The following CFAP70 variants were observed in gnomAD, a reference collection of about 807,000 sequenced individuals.
CFAP70 encodes the protein cilia and flagella associated protein 70, also known as cilia- and flagella-associated protein 70.
CFAP70 carries 81 observed loss-of-function variants against 137.6 expected under a neutral mutation model. That is an observed-to-expected ratio of 0.59 (90% confidence interval 0.49 to 0.71). The LOEUF (loss-of-function observed/expected upper bound fraction) is 0.71, where lower values mean the gene tolerates loss of function less well. CFAP70 is among the 30% of genes least tolerant of loss of function. CFAP70 has a pLI of 0.00. For missense variants in CFAP70, 976 were observed against 1,226.7 expected (o/e 0.80, Z 3.05); for synonymous variants, 382 against 423.6 (o/e 0.90, Z 1.20).
At chr10:73,293,357 G>T in exon 16 of CFAP70, 1 of 1,609,412 alleles carries the variant, frequency 6.2e-7, no homozygotes. Context: ...ATAAATGGTT[G>T]CAACAGTGCC....
In CFAP70 at chr10:73,318,837, G is replaced by C. The variant is rs549597990; in HGVS notation, c.912+4126C>G. On this transcript the variant is annotated intron_variant, in intron 9 of 26. Transcript: ENST00000310715. ...ATTCCCTTGAAATAGTTTCCTAGAA[G>C]TAGAAGTCCTATTGGAAAGGATATA... Among the ~76,000 whole-genome samples, 267 of 152,312 alleles carry C rather than the reference G, an allele frequency of 1.8e-3. 1 individual carries two copies. The highest frequency in any genetic ancestry group is 3.9e-3 in the Admixed American group (59 of 15,290).
At chr10:73,311,078 C>T (rs920523077) in intron 11 of CFAP70, among the ~76,000 whole-genome samples, 8 of 152,170 alleles carry the variant, frequency 5.3e-5, no homozygotes, top group African/African-American at 1.9e-4. Flanking sequence ...AGAAGAGGTT[C>T]AAGAATCTGT....
At chr10:73,354,025 G>A (rs539934692) in intron 2 of CFAP70, among the ~76,000 whole-genome samples, 52 of 151,878 alleles carry the variant, frequency 3.4e-4, no homozygotes, top group African/African-American at 1.2e-3. Flanking sequence ...TTTTCTGTTT[G>A]TTTGTTTGTT....
intron 15 of CFAP70, chr10:73,295,562 G>A (rs2131948589): frequency 6.6e-6 from 1 of 152,150 alleles, no homozygotes; most frequent in Non-Finnish European, 1.5e-5. Context: ...GCTATGTAAA[G>A]GTTAACAATA....
At chr10:73,350,073 A>C (rs2054068003) in intron 3 of CFAP70, among the ~76,000 whole-genome samples, 1 of 152,196 alleles carries the variant, frequency 6.6e-6, no homozygotes, top group Non-Finnish European at 1.5e-5. Context: ...TGGTCTGTTC[A>C]AAGACCACAT....
chr10:73,303,019 A>G (rs1160825954), intron 12 of CFAP70, among the ~76,000 whole-genome samples: 3 of 149,466 alleles, frequency 2.0e-5, no homozygotes, highest in Admixed American at 6.6e-5. Flanking sequence ...GCCCCCCACC[A>G]CCGGGTAGCT....
At chr10:73,340,438 T>A (rs2053144399) in intron 6 of CFAP70, among the ~76,000 whole-genome samples, 1 of 152,188 alleles carries the variant, frequency 6.6e-6, no homozygotes, top group Non-Finnish European at 1.5e-5. Context: ...GCCAGAAAAG[T>A]ACCATAAGTT....
At chr10:73,329,242 A>G (rs1216523136) in intron 8 of CFAP70, among the ~76,000 whole-genome samples, 7 of 152,320 alleles carry the variant, frequency 4.6e-5, no homozygotes, top group African/African-American at 1.7e-4. Flanking sequence ...TTGCAAGGAC[A>G]AAAAACCAAA....
At chr10:73,359,483 G>C (rs575245354), upstream of CFAP70, among the ~76,000 whole-genome samples, 1 of 152,230 alleles carries the variant, frequency 6.6e-6, no homozygotes, top group East Asian at 1.9e-4. Flanking sequence ...ACTCCCATGG[G>C]CCAAATAAGG....
intron 8 of CFAP70, among the ~76,000 whole-genome samples, chr10:73,325,312 G>T (rs1589491720): frequency 6.6e-6 from 1 of 152,214 alleles, no homozygotes; most frequent in South Asian, 2.1e-4. Context: ...CACCAGGCCT[G>T]CCCTAAAAGA....
chr10:73,253,884 G>A (rs1372312934), exon 27 of CFAP70: 4 of 1,007,882 alleles, frequency 4.0e-6, no homozygotes, highest in Middle Eastern at 2.2e-4. Flanking sequence ...AGATTCTTTC[G>A]TTCTCCAGCT....
At chr10:73,273,863 T>A (rs570615385) in intron 23 of CFAP70, among the ~76,000 whole-genome samples, 1 of 152,202 alleles carries the variant, frequency 6.6e-6, no homozygotes, top group Non-Finnish European at 1.5e-5. Context: ...TGTTGATAAT[T>A]GTTATAGTGA....
At chr10:73,338,980 C>T (rs1192491813) in intron 6 of CFAP70, among the ~76,000 whole-genome samples, 12 of 150,770 alleles carry the variant, frequency 8.0e-5, no homozygotes, top group Non-Finnish European at 1.3e-4. Context: ...AGTGCAGTGA[C>T]ACAATCCTGA....
intron 19 of CFAP70, among the ~76,000 whole-genome samples, chr10:73,281,325 C>T (rs562017771): frequency 4.0e-5 from 6 of 151,536 alleles, no homozygotes; most frequent in African/African-American, 1.2e-4. Flanking sequence ...GCCGGGACTA[C>T]AGACATGCCA....
At position 73,298,843 on chromosome 10, in the gene CFAP70, G is replaced by A. The variant is rs7079020; in HGVS notation, c.1512+64C>T. ...ACATAATCAGAGGAGAAAATGTGAT[G>A]TGGGTATGTGGAGAACTTGCTCCAT... On this transcript the variant is annotated intron_variant, in intron 14 of 26. Transcript: ENST00000310715. The A allele has an allele frequency of 2.1e-6, 3 of 1,410,436 alleles. 1 individual carries two copies. Among genetic ancestry groups the A allele is most frequent in the Non-Finnish European group, 3.0e-6 (3 of 1,006,948 alleles). The allele number at this position is 1,410,436 out of a possible 1,614,324, so 87.4% of individuals were successfully genotyped here. A position where few individuals can be genotyped will look rare whatever the true frequency, so the allele number is the denominator to read the frequency against.
intron 7 of CFAP70, among the ~76,000 whole-genome samples, chr10:73,333,256 T>C (rs2052311276): frequency 6.6e-6 from 1 of 151,902 alleles, no homozygotes; most frequent in African/African-American, 2.4e-5. Flanking sequence ...CAAAAAATCA[T>C]AACAGAATAT....
intron 7 of CFAP70, among the ~76,000 whole-genome samples, chr10:73,332,393 T>C (rs1456345106): frequency 1.3e-5 from 2 of 152,162 alleles, no homozygotes; most frequent in African/African-American, 2.4e-5. Context: ...GTTCTCCCTA[T>C]CAAAGGGTTG....
intron 7 of CFAP70, among the ~76,000 whole-genome samples, chr10:73,333,193 T>A (rs1288280281): frequency 6.6e-6 from 1 of 151,944 alleles, no homozygotes; most frequent in Non-Finnish European, 1.5e-5. Context: ...TGAATGTGAG[T>A]ATATGTGAAT....
intron 11 of CFAP70, 21 bp downstream of exon 12, chr10:73,311,813 C>G: frequency 6.3e-7 from 1 of 1,592,092 alleles, no homozygotes; most frequent in Non-Finnish European, 8.6e-7. Flanking sequence ...ACTTAATTTT[C>G]CAAACTTCAT....
Sources: gnomAD v4.1 joint callset for allele counts (sites outside exome capture counted in the v4.1 genomes callset) on GRCh38, gnomAD v4.1.1 for gene constraint, MANE v1.5 for transcripts, NCBI Gene and HGNC (gene_info 2026-07-23, HGNC 2026-07-21) for gene names.